CCPG1: variants seen among roughly 807,000 people sequenced by gnomAD.
CCPG1 encodes cell cycle progression 1.
In CCPG1, 46 loss-of-function variants were observed where a neutral mutation model predicts 81.3. The observed-to-expected ratio is 0.57, with a 90% CI of 0.45 to 0.72. The LOEUF is 0.72. Ranked by LOEUF, CCPG1 falls within the 30% of genes least tolerant of loss-of-function variation. The pLI, the probability that CCPG1 is intolerant of heterozygous loss-of-function variation, is 0.00. For synonymous variants in CCPG1, 330 were observed against 305.2 expected, an observed-to-expected ratio of 1.08 and a Z score of -0.85; for missense variants, 902 against 937.6, an observed-to-expected ratio of 0.96 and a Z score of 0.50.
Position 55,356,729 on chromosome 15 carries a change from C to T in CCPG1, c.2235-320G>A, listed in dbSNP as rs886552139. 6 of 1,049,372 alleles carry T rather than the reference C, an allele frequency of 5.7e-6. No homozygotes were observed. In the African/African-American group the frequency reaches 1.0e-4, roughly 18 times the overall value. The allele number at this position is 1,049,372 out of a possible 1,614,324, so 65.0% of individuals were successfully genotyped here. The stretch of plus-strand genomic sequence containing the variant: ...TCCTCCTTTCCTATAAAAATCAGTC[C>T]CTCCCCGCTGGCTTTATCACTCAGC... On this transcript the variant is annotated intron_variant, in intron 8 of 8. Transcript: ENST00000442196.
At chr15:55,386,541 C>T (rs1004587362) in intron 2 of CCPG1, among the ~76,000 whole-genome samples, 2 of 152,042 alleles carry the variant, frequency 1.3e-5, no homozygotes, top group African/African-American at 2.4e-5. Context: ...CACATGGAAT[C>T]GAAAGGTCTG....
intron 6 of CCPG1, among the ~76,000 whole-genome samples, chr15:55,367,170 A>C (rs991222547): frequency 6.6e-6 from 1 of 152,222 alleles, no homozygotes; most frequent in Non-Finnish European, 1.5e-5. Flanking sequence ...GCTTGTTTCA[A>C]AATTACTCAG....
intron 2 of CCPG1, 118 bp downstream of exon 2, chr15:55,389,247 T>C: frequency 1.5e-6 from 1 of 686,172 alleles, no homozygotes; most frequent in East Asian, 2.7e-5. Flanking sequence ...AGAGGGAAAA[T>C]GTCCATTGGA....
intron 2 of CCPG1, among the ~76,000 whole-genome samples, chr15:55,387,980 C>T (rs1282284754): frequency 2.0e-5 from 3 of 151,354 alleles, no homozygotes; most frequent in South Asian, 2.1e-4. Flanking sequence ...GGAGAAACCC[C>T]GTCTCTACTA....
At chr15:55,399,079 C>T (rs1292535716) in intron 1 of CCPG1, among the ~76,000 whole-genome samples, 3 of 151,972 alleles carry the variant, frequency 2.0e-5, no homozygotes, top group Non-Finnish European at 4.4e-5. Context: ...GAAAAACCTC[C>T]CCCAAAGAAA....
intron 3 of CCPG1, among the ~76,000 whole-genome samples, chr15:55,382,227 T>C (rs964302542): frequency 6.6e-6 from 1 of 151,500 alleles, no homozygotes; most frequent in African/African-American, 2.4e-5. Flanking sequence ...TCATGAAAGA[T>C]TTCTCTGTAG....
At chr15:55,366,665 G>A (rs778087317) in intron 6 of CCPG1, among the ~76,000 whole-genome samples, 9 of 152,076 alleles carry the variant, frequency 5.9e-5, no homozygotes, top group Non-Finnish European at 1.2e-4. Context: ...CCAGCTACTC[G>A]GGAGGCTGCG....
chr15:55,405,990 G>A (rs1430886012), intron 1 of CCPG1, among the ~76,000 whole-genome samples: 1 of 152,066 alleles, frequency 6.6e-6, no homozygotes, highest in Admixed American at 6.6e-5. Flanking sequence ...TCAGCCTCCT[G>A]AATAGCTGAG....
intron 1 of CCPG1, among the ~76,000 whole-genome samples, chr15:55,403,389 G>A (rs1392377073): frequency 6.7e-6 from 1 of 149,052 alleles, no homozygotes; most frequent in Non-Finnish European, 1.5e-5. Flanking sequence ...AAAGAATAGT[G>A]ATTTGGATAA....
intron 1 of CCPG1, among the ~76,000 whole-genome samples, chr15:55,398,741 C>T (rs1342053311): frequency 2.0e-5 from 3 of 151,978 alleles, no homozygotes; most frequent in Admixed American, 6.6e-5. Context: ...ACCACCATGC[C>T]GAGCTAATTT....
chr15:55,373,646 A>T (rs903449661), intron 5 of CCPG1, among the ~76,000 whole-genome samples: 6 of 152,202 alleles, frequency 3.9e-5, no homozygotes, highest in African/African-American at 1.2e-4. Flanking sequence ...GTGTGAGATT[A>T]TATTTCTTGG....
At chr15:55,358,528 CA>C in intron 8 of CCPG1, 1 of 985,410 alleles carries the variant, frequency 1.0e-6, no homozygotes, top group Non-Finnish European at 1.2e-6. Flanking sequence ...AGTGTATCTT[CA>C]CATCTCCAAA....
rs760185759 is a variant in CCPG1, at chr15:55,360,513, T to C, written c.1260A>G (p.Glu420=). ...CCCGTAAGATTGCTATTTCCTTTTT[T>C]TCAGTATATACATTGGGAGAATCTG... The part of the protein sequence containing the change: ...GKSDSPNVYT[E]KKEIAILRER... The change falls in exon 8 of 9, where the codon GAA becomes GAG. Residue 420 remains glutamate, a synonymous_variant. Coordinates refer to ENST00000442196, the MANE Select transcript of CCPG1 (RefSeq NM_001204450.2). The C allele has an allele frequency of 1.2e-6, 2 of 1,614,202 alleles. No individual in the cohort carries two copies. The highest frequency in any genetic ancestry group is 1.7e-6 in the Non-Finnish European group (2 of 1,180,032).
intron 7 of CCPG1, among the ~76,000 whole-genome samples, chr15:55,362,509 A>T (rs527697484): frequency 6.6e-6 from 1 of 152,322 alleles, no homozygotes; most frequent in South Asian, 2.1e-4. Context: ...GAGAAAAGAA[A>T]TTTCTTCTAC....
chr15:55,381,290 A>AT (rs1222107148), intron 3 of CCPG1, among the ~76,000 whole-genome samples: 11 of 150,946 alleles, frequency 7.3e-5, no homozygotes. Flanking sequence ...AAAAATAAAA[A>AT]AAAAATAGCT....
chr15:55,364,183 T>TTAA (rs2056271173), intron 7 of CCPG1, among the ~76,000 whole-genome samples: 1 of 150,620 alleles, frequency 6.6e-6, no homozygotes, highest in South Asian at 2.2e-4. Flanking sequence ...GACCAGCTAT[T>TTAA]TTGCTGATCC....
At chr15:55,366,675 G>A (rs1054676502) in intron 6 of CCPG1, among the ~76,000 whole-genome samples, 14 of 152,092 alleles carry the variant, frequency 9.2e-5, no homozygotes, top group African/African-American at 2.2e-4. Context: ...GGGAGGCTGC[G>A]GCAGGAGAAT....
At chr15:55,372,301 T>C (rs2056466637) in intron 5 of CCPG1, 2 of 506,726 alleles carry the variant, frequency 3.9e-6, no homozygotes, top group Non-Finnish European at 7.1e-6. Flanking sequence ...ATCTCTGTTT[T>C]TTTATTTAAT....
intron 2 of CCPG1, 62 bp downstream of exon 2, chr15:55,389,303 G>A: frequency 8.5e-7 from 1 of 1,179,376 alleles, no homozygotes; most frequent in Non-Finnish European, 1.3e-6. Context: ...AAAGAACACA[G>A]TTTACATCAC....
Sources: allele counts gnomAD v4.1 joint callset (sites outside exome capture counted in the v4.1 genomes callset), GRCh38; gene constraint gnomAD v4.1.1; transcripts MANE v1.5; gene names NCBI Gene and HGNC (gene_info 2026-07-23, HGNC 2026-07-21).